The following NRG3 variants were observed in gnomAD, a reference collection of about 807,000 sequenced individuals.
NRG3 encodes the protein pro-neuregulin-3, membrane-bound isoform.
NRG3 carries 31 observed loss-of-function variants against 66.9 expected under a neutral mutation model. The ratio of observed to expected loss-of-function variants is 0.46; its 90% CI spans 0.35 to 0.63. NRG3 has a LOEUF of 0.63. Among genes scored for constraint, NRG3 ranks in the 20% least tolerant of loss-of-function variants. The pLI, the probability that NRG3 is intolerant of heterozygous loss-of-function variation, is 0.00. For synonymous variants in NRG3, 393 were observed against 359.4 expected (o/e 1.09, Z -1.06); for missense variants, 910 against 878.9 (o/e 1.04, Z -0.45).
chr10:81,985,565 A>G (rs1013473898), intron 1 of NRG3, among the ~76,000 whole-genome samples: 10 of 152,240 alleles, frequency 6.6e-5, no homozygotes, highest in African/African-American at 2.4e-4. Flanking sequence ...TAATTCCACG[A>G]GTGATTATTA....
intron 1 of NRG3, among the ~76,000 whole-genome samples, chr10:82,057,164 A>G (rs2063884600): frequency 6.6e-6 from 1 of 151,400 alleles, no homozygotes; most frequent in African/African-American, 2.4e-5. Flanking sequence ...CATTTCTTGT[A>G]TTTTCTTCAG....
At chr10:82,974,133 A>G (rs1852026685) in intron 7 of NRG3, among the ~76,000 whole-genome samples, 1 of 152,130 alleles carries the variant, frequency 6.6e-6, no homozygotes, top group South Asian at 2.1e-4. Flanking sequence ...ACCTGATAGA[A>G]CTATAGATAA....
intron 2 of NRG3, among the ~76,000 whole-genome samples, chr10:82,380,544 A>G (rs1034922728): frequency 2.6e-5 from 4 of 152,348 alleles, no homozygotes; most frequent in South Asian, 2.1e-4. Context: ...TGAGATAAAA[A>G]TAAGAGCTAT....
chr10:82,012,736 T>C (rs1359029834), intron 1 of NRG3, among the ~76,000 whole-genome samples: 1 of 152,110 alleles, frequency 6.6e-6, no homozygotes, highest in African/African-American at 2.4e-5. Flanking sequence ...GTTCCAGAGA[T>C]CTCTAGGGCA....
intron 1 of NRG3, among the ~76,000 whole-genome samples, chr10:82,018,094 C>G (rs1304253096): frequency 6.6e-6 from 1 of 152,106 alleles, no homozygotes; most frequent in Non-Finnish European, 1.5e-5. Flanking sequence ...TTTAATCCAT[C>G]TTGAATTAAT....
chr10:82,977,568 C>T (rs1484919747), intron 7 of NRG3, among the ~76,000 whole-genome samples: 2 of 147,226 alleles, frequency 1.4e-5, no homozygotes, highest in Non-Finnish European at 1.5e-5. Flanking sequence ...AAGATCGTGC[C>T]ACTGCACTTC....
At chr10:82,228,654 G>A (rs987216550) in intron 1 of NRG3, among the ~76,000 whole-genome samples, 5 of 152,038 alleles carry the variant, frequency 3.3e-5, no homozygotes, top group Admixed American at 3.3e-4. Context: ...GACTTAAAAT[G>A]GTAATGATGA....
At chr10:82,459,398 A>G (rs772794409) in intron 2 of NRG3, among the ~76,000 whole-genome samples, 18 of 152,178 alleles carry the variant, frequency 1.2e-4, no homozygotes, top group Non-Finnish European at 2.5e-4. Flanking sequence ...ATTGTAAGCA[A>G]GTGCAAGTAT....
At chr10:82,826,417 C>T (rs2062210421) in intron 3 of NRG3, among the ~76,000 whole-genome samples, 2 of 152,192 alleles carry the variant, frequency 1.3e-5, no homozygotes, top group African/African-American at 4.8e-5. Flanking sequence ...TCTGTTAAGA[C>T]ATTTGTGAGT....
chr10:82,349,812 G>A (rs974584485), intron 1 of NRG3, among the ~76,000 whole-genome samples: 3 of 152,176 alleles, frequency 2.0e-5, no homozygotes, highest in Non-Finnish European at 4.4e-5. Flanking sequence ...TATTCGGGTG[G>A]GAGTGACCCG....
intron 1 of NRG3, among the ~76,000 whole-genome samples, chr10:82,259,170 A>G (rs1263162491): frequency 2.6e-5 from 4 of 152,174 alleles, no homozygotes; most frequent in African/African-American, 9.7e-5. Flanking sequence ...TCTGCCATTG[A>G]TCGAAAATCT....
At chr10:82,047,300 A>C (rs969974578) in intron 1 of NRG3, among the ~76,000 whole-genome samples, 4 of 152,076 alleles carry the variant, frequency 2.6e-5, no homozygotes, top group Non-Finnish European at 2.9e-5. Context: ...CATGATTGTC[A>C]GATTCACCAA....
intron 1 of NRG3, among the ~76,000 whole-genome samples, chr10:82,035,151 A>G: frequency 6.6e-6 from 1 of 152,080 alleles, no homozygotes; most frequent in East Asian, 1.9e-4. Context: ...GCCTTCCAGA[A>G]TCCAATACAG....
chr10:81,900,138 G>A (rs1843899517), intron 1 of NRG3, among the ~76,000 whole-genome samples: 1 of 152,036 alleles, frequency 6.6e-6, no homozygotes, highest in African/African-American at 2.4e-5. Context: ...TAGTAGAGAT[G>A]GGGTTTCACC....
At position 82,556,943 on chromosome 10, in the gene NRG3, C is replaced by T. The variant is rs191139790; in HGVS notation, c.954-181634C>T. 1.1e-3 allele frequency among the ~76,000 whole-genome samples: 166 copies of T among 152,292 alleles called. 5 individuals are homozygous for T. In the East Asian group the frequency reaches 0.025, roughly 23 times the overall value. ...TACTAAGGATAATGGCCTCCAACTC[C>T]ATCCATGTTCCCACAAAACACATGA... On this transcript the variant is annotated intron_variant, in intron 2 of 8. Transcript: ENST00000372141.
At position 82,750,748 on chromosome 10, in the gene NRG3, G is replaced by A. The variant is rs1266557960; in HGVS notation, c.1027+12098G>A. 3.3e-5 allele frequency among the ~76,000 whole-genome samples: 5 copies of A among 152,092 alleles called. No individual in the cohort carries two copies. The East Asian group carries it at 9.7e-4, about 29-fold the overall frequency. On this transcript the variant is annotated intron_variant, in intron 3 of 8. Transcript: ENST00000372141. ...TCAAATCTGCTGAGTCCACATTTTA[G>A]CCATCAAAGGGCCTTTTGATATGGG...
At chr10:82,690,028 A>G (rs999839935) in intron 2 of NRG3, among the ~76,000 whole-genome samples, 3 of 152,152 alleles carry the variant, frequency 2.0e-5, no homozygotes, top group African/African-American at 7.2e-5. Context: ...TGCCTTGTTG[A>G]TTCTTTCCTT....
chr10:82,617,928 T>A (rs1381744396), intron 2 of NRG3, among the ~76,000 whole-genome samples: 1 of 152,130 alleles, frequency 6.6e-6, no homozygotes, highest in Non-Finnish European at 1.5e-5. Flanking sequence ...AAATAAAATA[T>A]CATTTAGGGA....
chr10:82,945,665 C>T (rs915202997), intron 4 of NRG3, among the ~76,000 whole-genome samples: 1 of 152,124 alleles, frequency 6.6e-6, no homozygotes, highest in Non-Finnish European at 1.5e-5. Flanking sequence ...AACTAACCCC[C>T]TCCTGTGATA....
Sources: allele counts gnomAD v4.1 joint callset (sites outside exome capture counted in the v4.1 genomes callset), GRCh38; gene constraint gnomAD v4.1.1; transcripts MANE v1.5; gene names NCBI Gene and HGNC (gene_info 2026-07-23, HGNC 2026-07-21).